CNTLN: variants seen among roughly 807,000 people sequenced by gnomAD.
CNTLN encodes the protein centlein.
CNTLN carries 212 observed loss-of-function variants against 180.0 expected under a neutral mutation model. The observed-to-expected ratio is 1.18, with a 90% CI of 1.05 to 1.32. The LOEUF (loss-of-function observed/expected upper bound fraction) is 1.32, where lower values mean the gene tolerates loss of function less well. Among genes scored for constraint, CNTLN ranks in the 40% most tolerant of loss-of-function variants. The pLI is 0.00. For missense variants in CNTLN, 2,095 were observed against 1,610.9 expected (o/e 1.30, Z -5.14); for synonymous variants, 722 against 563.1 (o/e 1.28, Z -3.99).
intron 2 of CNTLN, among the ~76,000 whole-genome samples, chr9:17,151,047 C>G (rs1314398682): frequency 6.6e-6 from 1 of 152,162 alleles, no homozygotes; most frequent in Non-Finnish European, 1.5e-5. Flanking sequence ...AGGATTTGGG[C>G]TGAGACCATG....
chr9:17,406,055 A>G (rs1488935016), intron 15 of CNTLN, among the ~76,000 whole-genome samples: 1 of 151,816 alleles, frequency 6.6e-6, no homozygotes, highest in African/African-American at 2.4e-5. Flanking sequence ...ATAGCCTAAT[A>G]CAAATTCCTG....
At chr9:17,365,194 C>T (rs1465891632) in intron 12 of CNTLN, among the ~76,000 whole-genome samples, 3 of 152,152 alleles carry the variant, frequency 2.0e-5, no homozygotes, top group Non-Finnish European at 4.4e-5. Context: ...TTCCCCCTTG[C>T]TGTTCCATTG....
At chr9:17,512,808 A>G in the CNTLN span, among the ~76,000 whole-genome samples, 1 of 152,066 alleles carries the variant, frequency 6.6e-6, no homozygotes, top group Non-Finnish European at 1.5e-5. Context: ...TTTATAGTCT[A>G]TCATTTTTTT....
At chr9:17,285,176 C>T (rs576287444) in intron 6 of CNTLN, among the ~76,000 whole-genome samples, 5 of 130,052 alleles carry the variant, frequency 3.8e-5, no homozygotes, top group African/African-American at 1.4e-4. Flanking sequence ...CACCACAGTC[C>T]CCAGAGTGTG....
chr9:17,452,874 T>A (rs1026388780), intron 18 of CNTLN, among the ~76,000 whole-genome samples: 1 of 152,274 alleles, frequency 6.6e-6, no homozygotes, highest in African/African-American at 2.4e-5. Flanking sequence ...CAGTTGCAGC[T>A]GAGAGCAGCA....
rs201362740 is a variant in CNTLN, at chr9:17,415,827, C to A, written c.2836C>A (p.Gln946Lys). The change falls in exon 17 of 26, where the codon CAA becomes AAA. Residue 946 changes from glutamine (Q) to lysine (K), a missense_variant. Transcript: ENST00000380647. ...TAAGAATGCCAAAAAACCAACTTTT[C>A]AAAAGAAGAATTGCAAGATGCAAAA... ...HDKNAKKPTF[Q>K]KKNCKMQKSS... 88 of 1,612,420 alleles carry A rather than the reference C, an allele frequency of 5.5e-5. No individual in the cohort carries two copies. In the African/African-American group the frequency reaches 1.0e-3, roughly 19 times the overall value.
intron 19 of CNTLN, among the ~76,000 whole-genome samples, chr9:17,460,641 G>A (rs938965048): frequency 2.6e-5 from 4 of 151,760 alleles, no homozygotes; most frequent in African/African-American, 9.7e-5. Context: ...TGGCCAAAGT[G>A]TATCTCAACC....
At chr9:17,474,096 A>G (rs1832192571) in intron 23 of CNTLN, among the ~76,000 whole-genome samples, 1 of 152,060 alleles carries the variant, frequency 6.6e-6, no homozygotes, top group African/African-American at 2.4e-5. Flanking sequence ...CGCTCTCTAG[A>G]CAATCTGTAC....
chr9:17,503,341 A>G lies in CNTLN; in HGVS notation c.*689A>G, dbSNP rs1271251848. ...ATAAAATTAGGCTCTATTTAACAGA[A>G]CTACTACTGTGGTCAGCTAATTTAA... On this transcript the variant is annotated 3_prime_UTR_variant, in exon 26 of 26. Transcript: ENST00000380647. 1.3e-5 allele frequency: 2 copies of G among 152,214 alleles called. No homozygotes were observed. The highest frequency in any genetic ancestry group is 4.8e-5 in the African/African-American group (2 of 41,454). The allele number at this position is 152,214 out of a possible 1,614,324, so 9.4% of individuals were successfully genotyped here.
At chr9:17,399,706 GAA>G (rs1178104809) in intron 15 of CNTLN, among the ~76,000 whole-genome samples, 5 of 152,222 alleles carry the variant, frequency 3.3e-5, no homozygotes, top group Non-Finnish European at 7.4e-5. Flanking sequence ...ATAGTTGAAG[GAA>G]TTTGAAAAAT....
chr9:17,272,054 CCT>C lies in CNTLN; in HGVS notation c.850-1672_850-1671del, dbSNP rs796839044. ...TCCTTCCTTTTTTCCTTCCTTCCTTCCTCTCTCTTTCCTTTCTGTCCTTTCTT... is the reference window on the plus strand; with the variant it reads ...TCCTTCCTTTTTTCCTTCCTTCCTTCCTCTCTTTCCTTTCTGTCCTTTCTT... On this transcript the variant is annotated intron_variant, in intron 5 of 25. Transcript: ENST00000380647. 5.2e-3 allele frequency among the ~76,000 whole-genome samples: 631 copies of C among 120,802 alleles called. 4 individuals are homozygous for C. The highest frequency in any genetic ancestry group is 0.018 in the African/African-American group (586 of 32,242). 79.3% of individuals were successfully genotyped at this position (120,802 alleles called of 152,430 possible).
intron 7 of CNTLN, chr9:17,299,688 T>TG (rs1818212257): frequency 3.2e-6 from 3 of 931,930 alleles, no homozygotes; most frequent in Non-Finnish European, 3.7e-6. Flanking sequence ...GCCCACTGTG[T>TG]TTTTTGTTTC....
intron 8 of CNTLN, among the ~76,000 whole-genome samples, chr9:17,309,989 A>AT (rs1205312273): frequency 4.6e-5 from 7 of 152,160 alleles, no homozygotes; most frequent in Admixed American, 1.3e-4. Flanking sequence ...TATGACAACA[A>AT]TTTTTAAAAT....
At position 17,275,764 on chromosome 9, in the gene CNTLN, C is replaced by T. The variant is rs150179486; in HGVS notation, c.983+1898C>T. On this transcript the variant is annotated intron_variant, in intron 6 of 25. Transcript: ENST00000380647. ...TATAAATAAAGCAAGAATATCCTTG[C>T]ATGCACTTTTTCTTATACAATAGTA... is the stretch of plus-strand genomic sequence containing the variant. 9.9e-5 allele frequency among the ~76,000 whole-genome samples: 15 copies of T among 152,214 alleles called. No individual in the cohort carries two copies. The East Asian group carries it at 2.9e-3, about 29-fold the overall frequency.
intron 8 of CNTLN, among the ~76,000 whole-genome samples, chr9:17,312,553 ATTTTTTTT>A (rs56915301): frequency 2.0e-5 from 2 of 100,424 alleles, no homozygotes; most frequent in East Asian, 2.7e-4. Context: ...AGCCCGGCTA[ATTTTTTTT>A]TTTTTTTTTT....
At chr9:17,309,003 C>A (rs11506399) in intron 7 of CNTLN, 55 bp from the exon 8 acceptor site, 8 of 1,236,480 alleles carry the variant, frequency 6.5e-6, no homozygotes, top group Non-Finnish European at 7.7e-6. Flanking sequence ...CACAGACACA[C>A]AGACACATAG....
intron 23 of CNTLN, among the ~76,000 whole-genome samples, chr9:17,479,093 G>C (rs150869105): frequency 6.6e-6 from 1 of 152,264 alleles, no homozygotes. Flanking sequence ...CACTGTTGGT[G>C]GGAATGCAAA....
intron 15 of CNTLN, among the ~76,000 whole-genome samples, chr9:17,402,518 T>C (rs1034069694): frequency 6.6e-6 from 1 of 151,798 alleles, no homozygotes; most frequent in Non-Finnish European, 1.5e-5. Context: ...CCTCTGTTGG[T>C]TATGTATCAA....
rs371953755 is a variant in CNTLN, at chr9:17,292,625, C to T, written c.984-5565C>T. 3.9e-5 allele frequency among the ~76,000 whole-genome samples: 6 copies of T among 152,146 alleles called. No homozygotes were observed. In the East Asian group the frequency reaches 1.2e-3, roughly 29 times the overall value. ...ATACTTATGGTTGCATTGTGATGTT[C>T]TCAGGTTGTGTTTTTCAACTCCATT... On this transcript the variant is annotated intron_variant, in intron 6 of 25. Transcript: ENST00000380647.
Sources: allele counts gnomAD v4.1 joint callset (sites outside exome capture counted in the v4.1 genomes callset), GRCh38; gene constraint gnomAD v4.1.1; transcripts MANE v1.5; gene names NCBI Gene and HGNC (gene_info 2026-07-23, HGNC 2026-07-21).